The following CAD variants were observed in gnomAD, a reference collection of about 807,000 sequenced individuals.
The protein encoded by CAD is carbamoyl-phosphate synthetase 2, aspartate transcarbamylase, and dihydroorotase, also known as multifunctional protein CAD.
CAD carries 81 observed loss-of-function variants against 237.2 expected under a neutral mutation model. That is an observed-to-expected ratio of 0.34 (90% CI 0.29 to 0.41). The LOEUF is 0.41. Among genes scored for constraint, CAD ranks in the 10% least tolerant of loss-of-function variants. The pLI, the probability that CAD is intolerant of heterozygous loss-of-function variation, is 1.00. For synonymous variants in CAD, 1,196 were observed against 1,162.8 expected (o/e 1.03, Z -0.58); for missense variants, 2,181 against 2,951.7 (o/e 0.74, Z 6.05).
chr2:27,217,768 C>A (rs1674940524), intron 1 of CAD, 109 bp from the exon 2 acceptor site: 1 of 1,444,304 alleles, frequency 6.9e-7, no homozygotes, highest in Non-Finnish European at 9.4e-7. Flanking sequence ...TGGGCCCCAG[C>A]GCCATAAACC....
In CAD at chr2:27,233,185, G is replaced by A. The variant is rs146506181; in HGVS notation, c.2991+45G>A. ...CCTGGTAGCTTGAGTGGCCAGGGTC[G>A]AGTAGAACAGCTGGCTGACCTAAGA... On this transcript the variant is annotated intron_variant, in intron 19 of 43. Transcript: ENST00000264705. The surrounding 1 kb of genome is among the most constrained non-coding windows in gnomAD (Gnocchi z 6.3). 904 of 1,510,028 alleles carry A rather than the reference G, an allele frequency of 6.0e-4. 1 individual carries two copies. The highest frequency in any genetic ancestry group is 1.0e-3 in the Admixed American group (62 of 59,726). The allele number at this position is 1,510,028 out of a possible 1,614,324, so 93.5% of individuals were successfully genotyped here.
At chr2:27,227,047 T>C (rs1675477136) in intron 15 of CAD, 85 bp downstream of exon 15, 1 of 1,198,538 alleles carries the variant, frequency 8.3e-7, no homozygotes, top group Non-Finnish European at 1.2e-6. Context: ...CATGGCCTTT[T>C]ACGTCCTATG....
intron 2 of CAD, among the ~76,000 whole-genome samples, 194 bp downstream of exon 2, chr2:27,218,210 G>A (rs1674969061): frequency 6.6e-6 from 1 of 152,212 alleles, no homozygotes; most frequent in African/African-American, 2.4e-5. Flanking sequence ...ACAGAGTGTT[G>A]GAGGCCTCAG....
intron 2 of CAD, 128 bp from the exon 3 acceptor site, chr2:27,221,090 A>C: frequency 3.1e-6 from 2 of 643,960 alleles, no homozygotes; most frequent in Non-Finnish European, 4.8e-6. Flanking sequence ...ATGCAAAAGC[A>C]CCAAAAGTTT....
chr2:27,232,322 A>G lies in CAD; in HGVS notation c.2645+98A>G. 6.3e-7 allele frequency: 1 copy of G among 1,578,364 alleles called. No homozygotes were observed. Among genetic ancestry groups the G allele is most frequent in the East Asian group, 2.2e-5 (1 of 44,668 alleles). On this transcript the variant is annotated intron_variant, in intron 17 of 43. Coordinates refer to ENST00000264705, the MANE Select transcript of CAD (RefSeq NM_004341.5). This position sits in a 1 kb window ranked among gnomAD's most constrained non-coding sequence, Gnocchi z 4.1. ...GGAGGGAGGAAGGAGAGTGTGGGAG[A>G]GCTTTAGAGGCTTCTGACCTTGGTT... is the stretch of plus-strand genomic sequence containing the variant.
Position 27,233,903 on chromosome 2 carries a change from C to G in CAD, c.3399+95C>G. 7.1e-6 allele frequency: 11 copies of G among 1,552,030 alleles called. No individual in the cohort carries two copies. Among genetic ancestry groups the G allele is most frequent in the African/African-American group, 6.8e-5 (5 of 73,666 alleles). ...TCCAGCAGAATCATAGGCACCAGGG[C>G]TGGGAACAGTGGGCTATGTGGGGCT... On this transcript the variant is annotated intron_variant, in intron 21 of 43. Coordinates refer to ENST00000264705, the MANE Select transcript of CAD (RefSeq NM_004341.5). The surrounding 1 kb of genome is among the most constrained non-coding windows in gnomAD (Gnocchi z 6.3).
At position 27,243,295 on chromosome 2, in the gene CAD, G is replaced by C; in HGVS notation, c.6575+3G>C. ...ATGCCCCGTGTCAACGAGATAAGGT[G>C]GTGCAGCATCAGAGTCAGAGACTGC... On this transcript the variant is annotated splice_donor_region_variant and intron_variant, in intron 43 of 43. Transcript: ENST00000264705. 6.2e-7 allele frequency: 1 copy of C among 1,614,054 alleles called. No homozygotes were observed. Among genetic ancestry groups the C allele is most frequent in the Non-Finnish European group, 8.5e-7 (1 of 1,179,974 alleles).
chr2:27,231,651 C>A, intron 16 of CAD, 71 bp downstream of exon 16: 1 of 930,530 alleles, frequency 1.1e-6, no homozygotes, highest in Non-Finnish European at 1.7e-6. Context: ...AGACCATGAG[C>A]TTGTTACCAG....
intron 3 of CAD, among the ~76,000 whole-genome samples, chr2:27,221,977 A>G (rs1237906316): frequency 2.0e-5 from 3 of 150,020 alleles, no homozygotes; most frequent in African/African-American, 4.9e-5. Context: ...ATTATTTTCT[A>G]TAAATGGATA....
Position 27,222,208 on chromosome 2 carries a change from G to T in CAD, c.367G>T (p.Glu123Ter), listed in dbSNP as rs747221303. The T allele has an allele frequency of 2.1e-5, 34 of 1,613,856 alleles. No individual in the cohort carries two copies. The highest frequency in any genetic ancestry group is 2.5e-5 in the Non-Finnish European group (30 of 1,179,950). The change falls in exon 4 of 44, where the codon GAG (glutamate) becomes TAG (stop). Residue 123 changes from glutamate to a stop codon, truncating the protein, a stop_gained. Coordinates refer to ENST00000264705, the MANE Select transcript of CAD (RefSeq NM_004341.5). LOFTEE classifies it high-confidence loss of function. Reference sequence around the variant, plus strand: ...TATTTTGACAGGAGTAGACACTCGGGAGCTGACCAAGAAGTTGCGGGAACA... The same window carrying T: ...TATTTTGACAGGAGTAGACACTCGGTAGCTGACCAAGAAGTTGCGGGAACA... ...IPGLQGVDTRELTKKLREQGS... is the reference protein window; with the variant it reads ...IPGLQGVDTR
rs548214634 is a variant in CAD, at chr2:27,235,128, G to A, written c.3787-117G>A. The A allele has an allele frequency of 2.9e-5, 27 of 922,060 alleles. No homozygotes were observed. In the African/African-American group the frequency reaches 3.5e-4, roughly 12 times the overall value. 57.1% of individuals were successfully genotyped at this position (922,060 alleles called of 1,614,324 possible). On this transcript the variant is annotated intron_variant, in intron 23 of 43. Coordinates refer to ENST00000264705, the MANE Select transcript of CAD (RefSeq NM_004341.5). The surrounding 1 kb of genome is among the most constrained non-coding windows in gnomAD (Gnocchi z 5.2). ...GAAAGCAGGAGGGCACACAGAGAGG[G>A]CAGGCTGACCCTGCCATTCAGATGG...
In CAD at chr2:27,217,443, C is replaced by T. The variant is rs1558523787; in HGVS notation, c.-109C>T. 5.2e-6 allele frequency: 5 copies of T among 954,358 alleles called. No homozygotes were observed. The highest frequency in any genetic ancestry group is 3.3e-5 in the African/African-American group (2 of 60,670). The allele number at this position is 954,358 out of a possible 1,614,324, so 59.1% of individuals were successfully genotyped here. ...CCCGGCTTCTCTCCAGCGCCCCGCG[C>T]CGTTAGCCACGTGGACCGACTCCGG... On this transcript the variant is annotated 5_prime_UTR_variant, in exon 1 of 44. Coordinates refer to ENST00000264705, the MANE Select transcript of CAD (RefSeq NM_004341.5).
chr2:27,233,356 C>G lies in CAD; in HGVS notation c.3036C>G (p.Ile1012Met), dbSNP rs1675856195. ...IYELENPEGV[I>M]LSMGGQLPNN... ...AGCTCGAGAACCCTGAAGGTGTGAT[C>G]CTATCCATGGGTGGACAGCTGCCCA... The change falls in exon 20 of 44, where the codon ATC becomes ATG. Residue 1012 changes from isoleucine (I) to methionine (M), a missense_variant. Coordinates refer to ENST00000264705, the MANE Select transcript of CAD (RefSeq NM_004341.5). This position sits in a 1 kb window ranked among gnomAD's most constrained non-coding sequence, Gnocchi z 6.3. The G allele has an allele frequency of 6.2e-7, 1 of 1,614,116 alleles. No homozygotes were observed. The highest frequency in any genetic ancestry group is 8.5e-7 in the Non-Finnish European group (1 of 1,180,034).
In CAD at chr2:27,226,900, G is replaced by A; in HGVS notation, c.2225G>A (p.Arg742Gln). 2 of 1,614,094 alleles carry A rather than the reference G, an allele frequency of 1.2e-6. No homozygotes were observed. Among genetic ancestry groups the A allele is most frequent in the Non-Finnish European group, 1.7e-6 (2 of 1,179,968 alleles). The change falls in exon 15 of 44, where the codon CGA (arginine) becomes CAA (glutamine). Residue 742 changes from arginine (R) to glutamine (Q), a missense_variant. Coordinates refer to ENST00000264705, the MANE Select transcript of CAD (RefSeq NM_004341.5). Reference protein sequence around the residue: ...SVDYCVVKIPRWDLSKFLRVS... With the variant: ...SVDYCVVKIPQWDLSKFLRVS... ...GATTATTGTGTGGTGAAGATTCCTC[G>A]ATGGGACCTTAGCAAGTTCCTGCGA...
At chr2:27,238,363 C>T in intron 30 of CAD, 68 bp from the exon 31 acceptor site, 1 of 1,481,960 alleles carries the variant, frequency 6.7e-7, no homozygotes, top group African/African-American at 1.4e-5. Flanking sequence ...GGATGTTGGC[C>T]ATTGGGACTT....
rs1195554735 is a variant in CAD at position 27,232,439 on chromosome 2, C to T, written c.2646-9C>T. 6.2e-7 allele frequency: 1 copy of T among 1,613,896 alleles called. No individual in the cohort carries two copies. The highest frequency in any genetic ancestry group is 2.2e-5 in the East Asian group (1 of 44,878). ...TGGGCCTGTGTTTCAGACCCTTTTT[C>T]TATTTTAGCACAGAGCTGGCTGTTC... On this transcript the variant is annotated splice_polypyrimidine_tract_variant and intron_variant, in intron 17 of 43. Coordinates refer to ENST00000264705, the MANE Select transcript of CAD (RefSeq NM_004341.5). The surrounding 1 kb of genome is among the most constrained non-coding windows in gnomAD (Gnocchi z 4.1).
In CAD at chr2:27,226,334, C is replaced by G; in HGVS notation, c.2031+15C>G. 1.9e-6 allele frequency: 3 copies of G among 1,611,710 alleles called. No individual in the cohort carries two copies. The highest frequency in any genetic ancestry group is 2.5e-6 in the Non-Finnish European group (3 of 1,177,978). ...AGTCTGAGCAGGTAAGCTCTAGGCC[C>G]TGGAACTGATAGTCTAGTTGTTACC... On this transcript the variant is annotated intron_variant, in intron 13 of 43. Transcript: ENST00000264705.
intron 31 of CAD, 39 bp downstream of exon 31, chr2:27,238,671 G>T: frequency 6.4e-7 from 1 of 1,558,200 alleles, no homozygotes. Context: ...GCCCAGTGGG[G>T]CTTGTGGGAC....
intron 2 of CAD, among the ~76,000 whole-genome samples, chr2:27,218,329 A>G (rs758240984): frequency 1.3e-5 from 2 of 152,214 alleles, no homozygotes; most frequent in Non-Finnish European, 2.9e-5. Context: ...GTGTAAGGGA[A>G]CAGCCTTGTC....
Sources: gnomAD v4.1 joint callset for allele counts (sites outside exome capture counted in the v4.1 genomes callset) on GRCh38, gnomAD v4.1.1 for gene constraint, Gnocchi (gnomAD v3.1) non-coding constraint, MANE v1.5 for transcripts, NCBI Gene and HGNC (gene_info 2026-07-23, HGNC 2026-07-21) for gene names.